Variants in PTPRD observed in about 807,000 individuals in gnomAD.
The protein encoded by PTPRD is receptor-type tyrosine-protein phosphatase delta.
In PTPRD, 34 loss-of-function variants were observed where a neutral mutation model predicts 214.5. The ratio of observed to expected loss-of-function variants is 0.16; its 90% CI spans 0.12 to 0.21. The LOEUF is 0.21. PTPRD is among the 10% of genes least tolerant of loss of function. PTPRD has a pLI of 1.00. For synonymous variants in PTPRD, 1,128 were observed against 845.7 expected (o/e 1.33, Z -5.79); for missense variants, 2,545 against 2,398.7 (o/e 1.06, Z -1.27).
chr9:8,348,104 G>A (rs768004860), intron 39 of PTPRD, among the ~76,000 whole-genome samples: 6 of 152,100 alleles, frequency 3.9e-5, no homozygotes, highest in Admixed American at 1.3e-4. Context: ...GAAAGCCATC[G>A]GCTGAAAGGC....
chr9:9,554,122 G>T (rs2080967152), intron 8 of PTPRD, among the ~76,000 whole-genome samples: 1 of 152,022 alleles, frequency 6.6e-6, no homozygotes, highest in Non-Finnish European at 1.5e-5. Flanking sequence ...CATGGGATAT[G>T]TGGGCAAGAA....
intron 39 of PTPRD, among the ~76,000 whole-genome samples, chr9:8,366,527 T>A (rs2079923161): frequency 6.6e-6 from 1 of 152,198 alleles, no homozygotes; most frequent in African/African-American, 2.4e-5. Context: ...AAGCAACTCA[T>A]CTTTGGTAAA....
intron 2 of PTPRD, among the ~76,000 whole-genome samples, chr9:10,407,333 G>C (rs1282679164): frequency 3.3e-5 from 5 of 151,522 alleles, no homozygotes; most frequent in African/African-American, 1.2e-4. Flanking sequence ...TGCCACTCAA[G>C]ACACACAGAT....
At chr9:10,116,448 T>G (rs2098731996) in intron 3 of PTPRD, among the ~76,000 whole-genome samples, 2 of 152,138 alleles carry the variant, frequency 1.3e-5, no homozygotes, top group Admixed American at 1.3e-4. Context: ...TCGTATCAAT[T>G]AATATTGCCA....
At chr9:10,255,741 G>A (rs1484960817) in intron 3 of PTPRD, among the ~76,000 whole-genome samples, 1 of 151,954 alleles carries the variant, frequency 6.6e-6, no homozygotes, top group Non-Finnish European at 1.5e-5. Context: ...TAAACACATT[G>A]TGCAGCTGTA....
chr9:10,043,033 A>G (rs2097325562), intron 3 of PTPRD, among the ~76,000 whole-genome samples: 2 of 152,100 alleles, frequency 1.3e-5, no homozygotes, highest in South Asian at 4.1e-4. Flanking sequence ...AATCAAATGT[A>G]GTCATTCATT....
chr9:10,183,775 G>C (rs1490454327), intron 3 of PTPRD, among the ~76,000 whole-genome samples: 2 of 152,032 alleles, frequency 1.3e-5, no homozygotes, highest in African/African-American at 4.8e-5. Context: ...CAAAGAAAAA[G>C]CTCCAAGAAA....
At chr9:8,685,999 G>C (rs2097673996) in intron 12 of PTPRD, among the ~76,000 whole-genome samples, 2 of 152,118 alleles carry the variant, frequency 1.3e-5, no homozygotes, top group African/African-American at 2.4e-5. Flanking sequence ...CTGGCTCTTG[G>C]GGAGATGTTC....
Position 9,977,711 on chromosome 9 carries a change from A to G in PTPRD, c.-471-39101T>C, listed in dbSNP as rs542014153. Among the ~76,000 whole-genome samples, 43 of 152,294 alleles carry G rather than the reference A, an allele frequency of 2.8e-4. No homozygotes were observed. In the Middle Eastern group the frequency reaches 0.01, roughly 36 times the overall value. On this transcript the variant is annotated intron_variant, in intron 4 of 45. Coordinates refer to ENST00000381196, the MANE Select transcript of PTPRD (RefSeq NM_002839.4). ...TATGTTTAATAATTATCCAGCAGGA[A>G]TAGAATTCATTGTTATTTTGCTTTG...
At chr9:10,108,693 T>C (rs913028010) in intron 3 of PTPRD, among the ~76,000 whole-genome samples, 1 of 152,040 alleles carries the variant, frequency 6.6e-6, no homozygotes, top group Non-Finnish European at 1.5e-5. Flanking sequence ...TTATTCACAA[T>C]AGTCAAGCTA....
At chr9:8,838,268 A>C (rs751890594) in intron 11 of PTPRD, among the ~76,000 whole-genome samples, 1 of 152,054 alleles carries the variant, frequency 6.6e-6, no homozygotes, top group African/African-American at 2.4e-5. Context: ...GAGTACTGCA[A>C]ATACTTGGGG....
chr9:10,327,540 T>C (rs1295420023), intron 3 of PTPRD, among the ~76,000 whole-genome samples: 2 of 151,668 alleles, frequency 1.3e-5, no homozygotes, highest in Non-Finnish European at 3.0e-5. Context: ...TTCTATATTA[T>C]ATCATTGGGT....
intron 3 of PTPRD, among the ~76,000 whole-genome samples, chr9:10,336,097 C>A (rs2096839503): frequency 6.6e-6 from 1 of 151,706 alleles, no homozygotes; most frequent in Admixed American, 6.6e-5. Context: ...GGTATTTACC[C>A]CACGGAGCTG....
chr9:8,986,729 T>A (rs1174559088), intron 11 of PTPRD, among the ~76,000 whole-genome samples: 2 of 152,076 alleles, frequency 1.3e-5, no homozygotes, highest in Non-Finnish European at 2.9e-5. Flanking sequence ...TTAACTAGAT[T>A]GGGAAGTGCC....
At chr9:8,375,664 C>T (rs2083026311) in intron 39 of PTPRD, among the ~76,000 whole-genome samples, 1 of 151,976 alleles carries the variant, frequency 6.6e-6, no homozygotes, top group African/African-American at 2.4e-5. Context: ...TATTTATAGC[C>T]ATGTGCCCAC....
At chr9:9,091,678 G>GGA (rs1197455056) in intron 10 of PTPRD, among the ~76,000 whole-genome samples, 2 of 152,196 alleles carry the variant, frequency 1.3e-5, no homozygotes, top group Non-Finnish European at 1.5e-5. Context: ...ATATCTGCCT[G>GGA]TAACAAGTAC....
At position 9,222,441 on chromosome 9, in the gene PTPRD, T is replaced by C. The variant is rs373354127; in HGVS notation, c.-202-39078A>G. On this transcript the variant is annotated intron_variant, in intron 9 of 45. Transcript: ENST00000381196. ...ACATTACTTATAATGGAATTTTCAA[T>C]TATGTAGCATTTCAAAGCAACTTTA... Among the ~76,000 whole-genome samples, 20 of 152,174 alleles carry C rather than the reference T, an allele frequency of 1.3e-4. No individual in the cohort carries two copies. In the South Asian group the frequency reaches 3.9e-3, roughly 30 times the overall value.
intron 8 of PTPRD, among the ~76,000 whole-genome samples, chr9:9,426,172 G>C (rs962357220): frequency 1.3e-5 from 2 of 152,128 alleles, no homozygotes; most frequent in African/African-American, 4.8e-5. Flanking sequence ...GGGAAGCCGT[G>C]ACAGACAGCA....
At chr9:9,562,979 G>A (rs975538853) in intron 8 of PTPRD, among the ~76,000 whole-genome samples, 1 of 152,126 alleles carries the variant, frequency 6.6e-6, no homozygotes, top group Non-Finnish European at 1.5e-5. Flanking sequence ...GAACACAGTA[G>A]CTGCTCACCA....
Sources: allele counts gnomAD v4.1 joint callset (sites outside exome capture counted in the v4.1 genomes callset), GRCh38; gene constraint gnomAD v4.1.1; transcripts MANE v1.5; gene names NCBI Gene and HGNC (gene_info 2026-07-23, HGNC 2026-07-21).